MAST4: variants seen among roughly 807,000 people sequenced by gnomAD.
The protein encoded by MAST4 is microtubule-associated serine/threonine-protein kinase 4.
Under a neutral mutation model 162.7 loss-of-function variants are expected in MAST4, and 89 were observed. That is an observed-to-expected ratio of 0.55 (90% CI 0.46 to 0.65). The LOEUF is 0.65. Ranked by LOEUF, MAST4 falls within the 30% of genes least tolerant of loss-of-function variation. The probability of loss-of-function intolerance (pLI) is 0.00; values close to 1 mark genes in which losing one functional copy is unlikely to be tolerated. For synonymous variants in MAST4, 1,479 were observed against 1,361.1 expected (o/e 1.09, Z -1.91); for missense variants, 3,153 against 3,374.0 (o/e 0.93, Z 1.62).
intron 4 of MAST4, among the ~76,000 whole-genome samples, chr5:67,041,640 G>T (rs1756754327): frequency 6.6e-6 from 1 of 152,022 alleles, no homozygotes; most frequent in African/African-American, 2.4e-5. Flanking sequence ...ATATTCTTTT[G>T]CTTTTTGTGA....
chr5:67,081,466 G>T (rs1762647748), intron 5 of MAST4, among the ~76,000 whole-genome samples: 1 of 151,830 alleles, frequency 6.6e-6, no homozygotes, highest in South Asian at 2.1e-4. Context: ...AAGAAGAGAT[G>T]CTGAATTATG....
rs141649082 is a variant in MAST4 at position 66,954,426 on chromosome 5, T to C, written c.674+54444T>C. On this transcript the variant is annotated intron_variant, in intron 4 of 28. Coordinates refer to ENST00000403625, the MANE Select transcript of MAST4 (RefSeq NM_001164664.2). ...TCTCCTGAATTGGTGGTTTCTGCAA[T>C]ATAGGGAGGGTCATTCATTCATTTT... Among the ~76,000 whole-genome samples the C allele has an allele frequency of 1.2e-4, 19 of 152,292 alleles. 1 individual carries two copies. The East Asian group carries it at 3.7e-3, about 29-fold the overall frequency.
rs74290412 is a variant in MAST4, at chr5:66,648,182, A to G, written c.363+51164A>G. On this transcript the variant is annotated intron_variant, in intron 1 of 28. Coordinates refer to ENST00000403625, the MANE Select transcript of MAST4 (RefSeq NM_001164664.2). Reference sequence around the variant, plus strand: ...CCATAATATATAAAAAAAAATCACAATTCTGAAGCTGCTTTTTGCTATAGA... The same window carrying G: ...CCATAATATATAAAAAAAAATCACAGTTCTGAAGCTGCTTTTTGCTATAGA... Among the ~76,000 whole-genome samples, 2,037 of 151,944 alleles carry G rather than the reference A, an allele frequency of 0.013. 82 individuals carry two copies. The East Asian group carries it at 0.16, about 12-fold the overall frequency.
Position 66,771,162 on chromosome 5 carries a change from T to C in MAST4, c.517+11300T>C, listed in dbSNP as rs115650392. 9.9e-3 allele frequency among the ~76,000 whole-genome samples: 1,509 copies of C among 152,162 alleles called. 31 individuals carry two copies. Among genetic ancestry groups the C allele is most frequent in the African/African-American group, 0.034 (1,402 of 41,502 alleles). ...CATGATTTTAAAAGTTGTATGTGTG[T>C]AAATATATTTCTTTCTTTTCTTTCT... On this transcript the variant is annotated intron_variant, in intron 2 of 28. Coordinates refer to ENST00000403625, the MANE Select transcript of MAST4 (RefSeq NM_001164664.2).
At chr5:66,619,664 G>C (rs1478178426) in intron 1 of MAST4, among the ~76,000 whole-genome samples, 1 of 151,614 alleles carries the variant, frequency 6.6e-6, no homozygotes, top group African/African-American at 2.4e-5. Context: ...ACTCCATTCT[G>C]GGGAATATTT....
chr5:66,979,670 C>A (rs187394603), intron 4 of MAST4, among the ~76,000 whole-genome samples: 72 of 152,286 alleles, frequency 4.7e-4, no homozygotes, highest in Non-Finnish European at 7.5e-4. Flanking sequence ...GTCAAGAGAC[C>A]AAATGAGCTT....
Position 66,820,920 on chromosome 5 carries a change from A to G in MAST4, c.642+32126A>G, listed in dbSNP as rs554468629. Among the ~76,000 whole-genome samples, 29 of 152,356 alleles carry G rather than the reference A, an allele frequency of 1.9e-4. 1 individual carries two copies. In the East Asian group the frequency reaches 5.4e-3, roughly 28 times the overall value. On this transcript the variant is annotated intron_variant, in intron 3 of 28. Coordinates refer to ENST00000403625, the MANE Select transcript of MAST4 (RefSeq NM_001164664.2). ...AAGATGATGCAAACGTCAAGGCAAT[A>G]TAGCTTTCTTGTGAAAAGCCTTAAG... is the stretch of plus-strand genomic sequence containing the variant.
chr5:66,807,292 C>T (rs1040243547), intron 3 of MAST4, among the ~76,000 whole-genome samples: 6 of 151,950 alleles, frequency 3.9e-5, no homozygotes, highest in East Asian at 3.9e-4. Context: ...GTCAGGAGAT[C>T]GAGACCATCC....
At chr5:66,957,310 A>G (rs1745435161) in intron 4 of MAST4, among the ~76,000 whole-genome samples, 1 of 152,110 alleles carries the variant, frequency 6.6e-6, no homozygotes. Context: ...TTTCCTAAGG[A>G]AAGTTGAGGC....
Position 67,169,187 on chromosome 5 carries a change from A to C in MAST4, c.*2136A>C, listed in dbSNP as rs1169321677. On this transcript the variant is annotated 3_prime_UTR_variant, in exon 29 of 29. Transcript: ENST00000403625. ...CTTTTTAACTGTCCAATTTCCTTTA[A>C]AGCACAACTAGCTATTTGTTTACAA... is the stretch of plus-strand genomic sequence containing the variant. 3 of 152,224 alleles carry C rather than the reference A, an allele frequency of 2.0e-5. No individual in the cohort carries two copies. The highest frequency in any genetic ancestry group is 4.4e-5 in the Non-Finnish European group (3 of 68,044). The allele number at this position is 152,224 out of a possible 1,614,324, so 9.4% of individuals were successfully genotyped here.
At chr5:66,933,010 C>A (rs1742337473) in intron 4 of MAST4, among the ~76,000 whole-genome samples, 1 of 152,102 alleles carries the variant, frequency 6.6e-6, no homozygotes. Context: ...CTTTAATTCT[C>A]ACCTAAATAA....
chr5:66,895,305 T>C (rs1762611495), intron 3 of MAST4, among the ~76,000 whole-genome samples: 1 of 152,222 alleles, frequency 6.6e-6, no homozygotes, highest in Non-Finnish European at 1.5e-5. Context: ...CCCTGTGGCT[T>C]TGTAACCAGG....
chr5:67,054,368 T>A, intron 4 of MAST4, 36 bp from the exon 5 acceptor site: 1 of 1,542,492 alleles, frequency 6.5e-7, no homozygotes, highest in Non-Finnish European at 8.8e-7. Context: ...GATGCTATAT[T>A]CTTTTTAAAC....
chr5:66,717,550 G>T (rs1580279065), intron 1 of MAST4, among the ~76,000 whole-genome samples: 1 of 152,200 alleles, frequency 6.6e-6, no homozygotes, highest in East Asian at 1.9e-4. Context: ...CAGTCCCTTG[G>T]GGTTACAAAG....
intron 4 of MAST4, among the ~76,000 whole-genome samples, chr5:66,973,026 A>G (rs977033672): frequency 7.9e-5 from 12 of 152,332 alleles, no homozygotes; most frequent in African/African-American, 2.6e-4. Flanking sequence ...TTGATTCACC[A>G]GTTAACACTT....
intron 4 of MAST4, among the ~76,000 whole-genome samples, chr5:66,929,921 A>T (rs1741994218): frequency 6.6e-6 from 1 of 152,182 alleles, no homozygotes. Context: ...TTACCTAATG[A>T]AGCGATAAAC....
At chr5:66,707,172 G>T (rs972025126) in intron 1 of MAST4, among the ~76,000 whole-genome samples, 5 of 152,190 alleles carry the variant, frequency 3.3e-5, no homozygotes, top group African/African-American at 1.2e-4. Flanking sequence ...TCCTTGGGGA[G>T]TCCTGTCAAC....
intron 3 of MAST4, among the ~76,000 whole-genome samples, chr5:66,878,833 A>AT (rs1483515712): frequency 7.2e-5 from 11 of 152,290 alleles, no homozygotes; most frequent in Non-Finnish European, 1.5e-4. Context: ...GTTTACAAGG[A>AT]TTTTTTGTCT....
At chr5:66,839,883 TCA>T (rs1758293317) in intron 3 of MAST4, among the ~76,000 whole-genome samples, 1 of 152,014 alleles carries the variant, frequency 6.6e-6, no homozygotes, top group Non-Finnish European at 1.5e-5. Context: ...TACATTTTTA[TCA>T]GTTTTCTTGC....
Sources: gnomAD v4.1 joint callset for allele counts (sites outside exome capture counted in the v4.1 genomes callset) on GRCh38, gnomAD v4.1.1 for gene constraint, MANE v1.5 for transcripts, NCBI Gene and HGNC (gene_info 2026-07-23, HGNC 2026-07-21) for gene names.